STAT3: variants seen among roughly 807,000 people sequenced by gnomAD.
STAT3 encodes the protein signal transducer and activator of transcription 3, also known as DNA-binding protein APRF.
Under a neutral mutation model 114.3 loss-of-function variants are expected in STAT3, and 7 were observed. That is an observed-to-expected ratio of 0.06 (90% CI 0.03 to 0.11). The LOEUF is 0.11. Among genes scored for constraint, STAT3 ranks in the 10% least tolerant of loss-of-function variants. STAT3 has a pLI of 1.00. For synonymous variants in STAT3, 331 were observed against 354.5 expected, an observed-to-expected ratio of 0.93 and a Z score of 0.74; for missense variants, 364 against 960.9, an observed-to-expected ratio of 0.38 and a Z score of 8.21.
At chr17:42,334,565 C>T (rs2082154641) in intron 8 of STAT3, among the ~76,000 whole-genome samples, 1 of 151,602 alleles carries the variant, frequency 6.6e-6, no homozygotes, top group Admixed American at 6.6e-5. Context: ...CTGCCTCAGC[C>T]TCCCAAGTAG....
chr17:42,340,402 C>T (rs575540428), intron 4 of STAT3, among the ~76,000 whole-genome samples: 1 of 151,300 alleles, frequency 6.6e-6, no homozygotes, highest in Admixed American at 6.6e-5. Context: ...CATGGTAGCT[C>T]CCACCTATAA....
At chr17:42,339,174 T>C (rs1386425194) in intron 5 of STAT3, 140 bp downstream of exon 5, 1 of 790,396 alleles carries the variant, frequency 1.3e-6, no homozygotes, top group Non-Finnish European at 2.1e-6. Context: ...GAGGATCGCT[T>C]GGGCCTGAGA....
chr17:42,364,953 G>A (rs2083699504), intron 1 of STAT3, among the ~76,000 whole-genome samples: 1 of 152,098 alleles, frequency 6.6e-6, no homozygotes. Flanking sequence ...ATATACCTGG[G>A]GCTGACGATG....
intron 4 of STAT3, among the ~76,000 whole-genome samples, chr17:42,342,270 G>T (rs1344779598): frequency 1.3e-5 from 2 of 152,004 alleles, no homozygotes; most frequent in Non-Finnish European, 2.9e-5. Flanking sequence ...ATCACCTGAG[G>T]TCAGGAGTTT....
At chr17:42,341,411 G>A (rs1387980861) in intron 4 of STAT3, among the ~76,000 whole-genome samples, 1 of 152,216 alleles carries the variant, frequency 6.6e-6, no homozygotes, top group Admixed American at 6.5e-5. Flanking sequence ...CTGGGCTTCA[G>A]CCCAAACACA....
chr17:42,348,229 A>G (rs888606491), intron 2 of STAT3, among the ~76,000 whole-genome samples, 160 bp downstream of exon 2: 1 of 152,208 alleles, frequency 6.6e-6, no homozygotes, highest in Non-Finnish European at 1.5e-5. Flanking sequence ...AAAAGGCTTT[A>G]CAAGACCAAA....
chr17:42,383,506 T>C (rs1026596893), intron 1 of STAT3, among the ~76,000 whole-genome samples: 3 of 152,154 alleles, frequency 2.0e-5, no homozygotes, highest in Non-Finnish European at 4.4e-5. Flanking sequence ...CCTGGCCCGA[T>C]ATGCTACTCC....
At chr17:42,365,202 A>C (rs1360229524) in intron 1 of STAT3, among the ~76,000 whole-genome samples, 4 of 152,204 alleles carry the variant, frequency 2.6e-5, no homozygotes, top group African/African-American at 9.6e-5. Context: ...ATTTCATTGG[A>C]AGTCTCATTC....
chr17:42,388,420 G>A lies in STAT3; in HGVS notation c.-165C>T, dbSNP rs760179821. The A allele has an allele frequency of 4.5e-5, 55 of 1,231,672 alleles. No homozygotes were observed. The highest frequency in any genetic ancestry group is 1.2e-4 in the South Asian group (3 of 24,350). The allele number at this position is 1,231,672 out of a possible 1,614,324, so 76.3% of individuals were successfully genotyped here. ...GGGGTGCCTGTCCAGGATCCGGTTGGGGCTTGTTCCCTCGGCTGCGACGTC... is the reference window on the plus strand; with the variant it reads ...GGGGTGCCTGTCCAGGATCCGGTTGAGGCTTGTTCCCTCGGCTGCGACGTC... On this transcript the variant is annotated 5_prime_UTR_variant, in exon 1 of 24. Coordinates refer to ENST00000264657, the MANE Select transcript of STAT3 (RefSeq NM_139276.3).
chr17:42,384,128 A>AT (rs201020826), intron 1 of STAT3, among the ~76,000 whole-genome samples: 8,236 of 85,786 alleles, frequency 0.096, 293 homozygotes, highest in East Asian at 0.21. Context: ...TTATTTATTT[A>AT]TTTATTTTTT....
At chr17:42,373,579 G>T (rs1474001600) in intron 1 of STAT3, among the ~76,000 whole-genome samples, 3 of 151,364 alleles carry the variant, frequency 2.0e-5, no homozygotes, top group Admixed American at 1.3e-4. Context: ...AAATAATAAA[G>T]TCTATTAATT....
At chr17:42,384,994 A>G (rs1407300057) in intron 1 of STAT3, among the ~76,000 whole-genome samples, 1 of 152,174 alleles carries the variant, frequency 6.6e-6, no homozygotes, top group Non-Finnish European at 1.5e-5. Flanking sequence ...ACTGTCCAAT[A>G]GAACGTTCTA....
At chr17:42,374,656 T>A (rs966046875) in intron 1 of STAT3, among the ~76,000 whole-genome samples, 1 of 148,890 alleles carries the variant, frequency 6.7e-6, no homozygotes, top group Non-Finnish European at 1.5e-5. Context: ...TGAATTCACA[T>A]TGCGTTTTCC....
intron 8 of STAT3, among the ~76,000 whole-genome samples, chr17:42,335,747 C>T (rs1364517747): frequency 6.6e-6 from 1 of 152,034 alleles, no homozygotes; most frequent in Non-Finnish European, 1.5e-5. Flanking sequence ...GCCTGTAATC[C>T]CAGCTACTTG....
rs534342207 is a variant in STAT3 at position 42,380,478 on chromosome 17, G to A, written c.-24+7801C>T. On this transcript the variant is annotated intron_variant, in intron 1 of 23. Coordinates refer to ENST00000264657, the MANE Select transcript of STAT3 (RefSeq NM_139276.3). ...CGGTTCACCGCAACCTCCGCCTCCC[G>A]GGTTCAAGCGATTATCCTGCCTCAG... Among the ~76,000 whole-genome samples, 12 of 151,806 alleles carry A rather than the reference G, an allele frequency of 7.9e-5. No homozygotes were observed. In the South Asian group the frequency reaches 1.5e-3, roughly 18 times the overall value.
Position 42,322,985 on chromosome 17 carries a change from G to T in STAT3, c.1888+19C>A. 6.2e-7 allele frequency: 1 copy of T among 1,613,024 alleles called. No individual in the cohort carries two copies. Among genetic ancestry groups the T allele is most frequent in the Non-Finnish European group, 8.5e-7 (1 of 1,180,024 alleles). ...CTCAGCAGCCACCAGCAGGTGGGGT[G>T]GGTGGGAGCCTCCCTTACCGCTGAT... is the stretch of plus-strand genomic sequence containing the variant. On this transcript the variant is annotated intron_variant, in intron 20 of 23. Coordinates refer to ENST00000264657, the MANE Select transcript of STAT3 (RefSeq NM_139276.3).
chr17:42,384,023 A>G (rs1169874484), intron 1 of STAT3, among the ~76,000 whole-genome samples: 1 of 152,256 alleles, frequency 6.6e-6, no homozygotes, highest in Non-Finnish European at 1.5e-5. Flanking sequence ...TACTTTGTAC[A>G]AATTAACCAG....
chr17:42,381,645 T>G (rs372915668), intron 1 of STAT3, among the ~76,000 whole-genome samples: 1 of 143,250 alleles, frequency 7.0e-6, no homozygotes, highest in Admixed American at 7.2e-5. Flanking sequence ...GGCAGGAGAG[T>G]GGCGTGAACC....
intron 3 of STAT3, among the ~76,000 whole-genome samples, chr17:42,345,942 C>T (rs560846876): frequency 2.7e-5 from 4 of 150,146 alleles, no homozygotes; most frequent in Non-Finnish European, 5.9e-5. Context: ...GGCGCAATCA[C>T]GGCTTATTGC....
Sources: allele counts gnomAD v4.1 joint callset (sites outside exome capture counted in the v4.1 genomes callset), GRCh38; gene constraint gnomAD v4.1.1; transcripts MANE v1.5; gene names NCBI Gene and HGNC (gene_info 2026-07-23, HGNC 2026-07-21).